Variants in CLIP1 observed in about 807,000 individuals in gnomAD.
CLIP1 encodes the protein CAP-Gly domain containing linker protein 1, also known as CAP-Gly domain-containing linker protein 1.
Under a neutral mutation model 161.6 loss-of-function variants are expected in CLIP1, and 66 were observed. That is an observed-to-expected ratio of 0.41 (90% CI 0.33 to 0.50). The LOEUF (loss-of-function observed/expected upper bound fraction) is 0.50. Ranked by LOEUF, CLIP1 falls within the 20% of genes least tolerant of loss-of-function variation. CLIP1 has a pLI of 0.27. For missense variants in CLIP1, 1,376 were observed against 1,702.0 expected, an observed-to-expected ratio of 0.81 and a Z score of 3.37; for synonymous variants, 598 against 626.2, an observed-to-expected ratio of 0.96 and a Z score of 0.67.
Position 122,341,249 on chromosome 12 carries a change from T to C in CLIP1, c.1955A>G (p.Glu652Gly), listed in dbSNP as rs1302205735. ...KVSFSKGLGT[E>G]TAEFAELKTQ... ...TTTTAGTTCAGCAAATTCTGCCGTCTCTGTTCCAAGCCCTTTGCTGAAAGA... is the reference window on the plus strand; with the variant it reads ...TTTTAGTTCAGCAAATTCTGCCGTCCCTGTTCCAAGCCCTTTGCTGAAAGA... The change falls in exon 11 of 26, where the codon GAG becomes GGG. Residue 652 changes from glutamate to glycine, a missense_variant. Glu to Gly is a moderately conservative substitution (Grantham distance 98). Coordinates refer to ENST00000620786, the MANE Select transcript of CLIP1 (RefSeq NM_001247997.2). 2 of 1,613,972 alleles carry C rather than the reference T, an allele frequency of 1.2e-6. No individual in the cohort carries two copies. The highest frequency in any genetic ancestry group is 3.3e-5 in the Admixed American group (2 of 59,984).
intron 1 of CLIP1, among the ~76,000 whole-genome samples, chr12:122,385,688 T>C (rs190296413): frequency 6.6e-6 from 1 of 152,162 alleles, no homozygotes; most frequent in East Asian, 1.9e-4. Context: ...GAGAATGAAG[T>C]CAGTGGATGT....
intron 5 of CLIP1, among the ~76,000 whole-genome samples, chr12:122,356,621 T>TCTCC (rs1566164418): frequency 6.6e-6 from 1 of 151,604 alleles, no homozygotes; most frequent in African/African-American, 2.4e-5. Context: ...TCCCTCTCCC[T>TCTCC]CTCTCCCTCT....
chr12:122,331,909 C>T (rs771673895), intron 15 of CLIP1, among the ~76,000 whole-genome samples: 12 of 151,926 alleles, frequency 7.9e-5, no homozygotes, highest in East Asian at 1.9e-4. Context: ...GCAGGAGAAT[C>T]GCTTGAACCT....
chr12:122,350,073 T>C (rs1952954209), intron 9 of CLIP1, among the ~76,000 whole-genome samples: 6 of 151,700 alleles, frequency 4.0e-5, no homozygotes, highest in Admixed American at 6.6e-5. Context: ...TTCGGCTAAT[T>C]TTTGTATTTT....
At chr12:122,346,034 C>T (rs1005880335) in intron 10 of CLIP1, among the ~76,000 whole-genome samples, 1 of 152,130 alleles carries the variant, frequency 6.6e-6, no homozygotes, top group African/African-American at 2.4e-5. Flanking sequence ...GATCCACCCA[C>T]CTCAGCCTCC....
intron 21 of CLIP1, among the ~76,000 whole-genome samples, chr12:122,285,720 T>C (rs1322592692): frequency 6.8e-6 from 1 of 148,108 alleles, no homozygotes; most frequent in Admixed American, 6.7e-5. Context: ...CAACTGATCC[T>C]CCCTTTTTGG....
chr12:122,365,640 TA>T, intron 3 of CLIP1: 1 of 814,444 alleles, frequency 1.2e-6, no homozygotes, highest in Non-Finnish European at 2.1e-6. Flanking sequence ...TAATAGATGT[TA>T]AAAAATAAAA....
At chr12:122,319,085 T>C in intron 18 of CLIP1, 147 bp downstream of exon 18, 1 of 612,342 alleles carries the variant, frequency 1.6e-6, no homozygotes, top group Non-Finnish European at 3.0e-6. Flanking sequence ...ATACACTTTA[T>C]TTAAGATTAT....
chr12:122,398,579 CAA>C (rs1341892545), intron 1 of CLIP1, among the ~76,000 whole-genome samples: 1 of 151,956 alleles, frequency 6.6e-6, no homozygotes, highest in Non-Finnish European at 1.5e-5. Flanking sequence ...TTAAAACACA[CAA>C]GTTTGCCCAG....
intron 21 of CLIP1, among the ~76,000 whole-genome samples, chr12:122,286,520 TAAAAAAAAAAAAAA>T (rs57260606): frequency 0.038 from 1,066 of 28,320 alleles, 30 homozygotes; most frequent in Middle Eastern, 0.17. Flanking sequence ...GACTCTGTCT[TAAAAAAAAAAAAAA>T]AAAAAAAAAA....
intron 1 of CLIP1, among the ~76,000 whole-genome samples, chr12:122,415,843 C>T (rs756890195): frequency 6.6e-6 from 1 of 151,858 alleles, no homozygotes; most frequent in African/African-American, 2.4e-5. Flanking sequence ...AGATTTTGAA[C>T]TATAAAACTT....
At position 122,334,632 on chromosome 12, in the gene CLIP1, C is replaced by T; in HGVS notation, c.2626+16G>A. On this transcript the variant is annotated intron_variant, in intron 13 of 25. Coordinates refer to ENST00000620786, the MANE Select transcript of CLIP1 (RefSeq NM_001247997.2). ...TATTTTTTAAAGCAATCTGCACACGCTCTGGTAAGACATACCTTGCATACT... is the reference window on the plus strand; with the variant it reads ...TATTTTTTAAAGCAATCTGCACACGTTCTGGTAAGACATACCTTGCATACT... 3.2e-6 allele frequency: 5 copies of T among 1,558,454 alleles called. No homozygotes were observed. Among genetic ancestry groups the T allele is most frequent in the African/African-American group, 1.3e-5 (1 of 74,134 alleles).
rs1354758829 is a variant in CLIP1, at chr12:122,278,089, A to G, written c.3966+65T>C. 4.1e-6 allele frequency: 6 copies of G among 1,460,836 alleles called. No individual in the cohort carries two copies. In the African/African-American group the frequency reaches 7.0e-5, roughly 17 times the overall value. The allele number at this position is 1,460,836 out of a possible 1,614,324, so 90.5% of individuals were successfully genotyped here. A position where few individuals can be genotyped will look rare whatever the true frequency, so the allele number is the denominator to read the frequency against. On this transcript the variant is annotated intron_variant, in intron 24 of 25. Transcript: ENST00000620786. ...AAAGGCATCAAATGAGAAGGAAAAT[A>G]AACGAAAAGATTCAATGATTTTGAA...
Position 122,279,364 on chromosome 12 carries a change from A to T in CLIP1, c.3648-219T>A. 3.3e-6 allele frequency: 1 copy of T among 300,928 alleles called. No individual in the cohort carries two copies. The highest frequency in any genetic ancestry group is 6.1e-6 in the Non-Finnish European group (1 of 164,758). The allele number at this position is 300,928 out of a possible 1,614,324, so 18.6% of individuals were successfully genotyped here. On this transcript the variant is annotated intron_variant, in intron 21 of 25. Coordinates refer to ENST00000620786, the MANE Select transcript of CLIP1 (RefSeq NM_001247997.2). This position sits in a 1 kb window ranked among gnomAD's most constrained non-coding sequence, Gnocchi z 4.5. Reference sequence around the variant, plus strand: ...AAGTTTACCTATGCATAGACATGCCAGAGTCTGCATGTGATTGTATCCATT... The same window carrying T: ...AAGTTTACCTATGCATAGACATGCCTGAGTCTGCATGTGATTGTATCCATT...
intron 19 of CLIP1, among the ~76,000 whole-genome samples, chr12:122,312,350 C>T (rs1195958571): frequency 1.3e-5 from 2 of 152,174 alleles, no homozygotes; most frequent in Non-Finnish European, 2.9e-5. Flanking sequence ...GCTGGCTAAC[C>T]GAAATCAAGC....
In CLIP1 at chr12:122,293,912, C is replaced by T. The variant is rs184888235; in HGVS notation, c.3595-5371G>A. Among the ~76,000 whole-genome samples, 3 of 151,314 alleles carry T rather than the reference C, an allele frequency of 2.0e-5. No individual in the cohort carries two copies. The East Asian group carries it at 5.9e-4, about 30-fold the overall frequency. ...CTCTGCCTCCCAGGTTCACACCATTCTCCTGCCTCAGCCTCCCGGAGAATT... is the reference window on the plus strand; with the variant it reads ...CTCTGCCTCCCAGGTTCACACCATTTTCCTGCCTCAGCCTCCCGGAGAATT... On this transcript the variant is annotated intron_variant, in intron 20 of 25. Transcript: ENST00000620786.
rs553991133 is a variant in CLIP1 at position 122,404,635 on chromosome 12, G to A, written c.-107+17886C>T. On this transcript the variant is annotated intron_variant, in intron 1 of 25. Transcript: ENST00000620786. The stretch of plus-strand genomic sequence containing the variant: ...ACAAAGGCCAGGTACAGTGGCTCAC[G>A]CCTGTAATCCCAGCACTTTGGGAGG... Among the ~76,000 whole-genome samples, 11 of 151,328 alleles carry A rather than the reference G, an allele frequency of 7.3e-5. No homozygotes were observed. In the East Asian group the frequency reaches 9.7e-4, roughly 13 times the overall value.
At chr12:122,276,077 A>T (rs185695525) in intron 24 of CLIP1, among the ~76,000 whole-genome samples, 43 of 152,318 alleles carry the variant, frequency 2.8e-4, no homozygotes, top group Admixed American at 2.3e-3. Flanking sequence ...CATTTCTCTA[A>T]ACTGAAAGAT....
chr12:122,353,580 C>CCATGATCACA, intron 7 of CLIP1, among the ~76,000 whole-genome samples: 1 of 152,150 alleles, frequency 6.6e-6, no homozygotes, highest in Non-Finnish European at 1.5e-5. Flanking sequence ...CACCAGTGCA[C>CCATGATCACA]TCCAGCCTGA....
Sources: allele counts gnomAD v4.1 joint callset (sites outside exome capture counted in the v4.1 genomes callset), GRCh38; gene constraint gnomAD v4.1.1; non-coding constraint Gnocchi (gnomAD v3.1); transcripts MANE v1.5; gene names NCBI Gene and HGNC (gene_info 2026-07-23, HGNC 2026-07-21).